The following NLE1 variants were observed in gnomAD, a reference collection of about 807,000 sequenced individuals.
NLE1 encodes notchless homolog 1, also known as notchless protein homolog 1.
A neutral mutation model predicts 62.8 loss-of-function variants in NLE1; 37 were observed. The observed-to-expected ratio is 0.59, with a 90% CI of 0.45 to 0.78. The LOEUF is 0.78. NLE1 is among the 30% of genes least tolerant of loss of function. The probability of loss-of-function intolerance (pLI) is 0.00; values close to 1 mark genes in which losing one functional copy is unlikely to be tolerated. For missense variants in NLE1, 555 were observed against 637.9 expected, an observed-to-expected ratio of 0.87 and a Z score of 1.40; for synonymous variants, 243 against 253.0, an observed-to-expected ratio of 0.96 and a Z score of 0.37.
intron 10 of NLE1, 31 bp from the exon 11 acceptor site, chr17:35,133,529 A>T: frequency 6.3e-7 from 1 of 1,582,800 alleles, no homozygotes; most frequent in East Asian, 2.3e-5. Flanking sequence ...GATGGATTTT[A>T]GTCTGAGTTA....
chr17:35,140,820 C>G (rs1213029948), intron 2 of NLE1, among the ~76,000 whole-genome samples: 1 of 152,120 alleles, frequency 6.6e-6, no homozygotes, highest in Non-Finnish European at 1.5e-5. Context: ...GAACTCCTGA[C>G]CTCTAGTGAT....
intron 2 of NLE1, among the ~76,000 whole-genome samples, chr17:35,141,600 G>A (rs1012883993): frequency 6.6e-6 from 1 of 151,692 alleles, no homozygotes; most frequent in Admixed American, 6.6e-5. Context: ...AAAAGCATGG[G>A]TATTCGGATA....
In NLE1 at chr17:35,139,988, C is replaced by T. The variant is rs1212053222; in HGVS notation, c.241G>A (p.Ala81Thr). Residue 81 changes from alanine to threonine, a missense_variant, in exon 3 of 13, where the codon GCA becomes ACA. By Grantham distance (58) the Ala-to-Thr change is moderately conservative. Coordinates refer to ENST00000442241, the MANE Select transcript of NLE1 (RefSeq NM_018096.5). ...TCTAGGACCTTCTCTGTCTCCACTG[C>T]CTGGGACTCCAACGTCTTCCCCAGT... Reference protein sequence around the residue: ...SSLGKTLESQAVETEKVLDII... With the variant: ...SSLGKTLESQTVETEKVLDII... 1.9e-6 allele frequency: 3 copies of T among 1,614,158 alleles called. No individual in the cohort carries two copies. The highest frequency in any genetic ancestry group is 2.2e-5 in the East Asian group (1 of 44,880).
intron 10 of NLE1, 56 bp from the exon 11 acceptor site, chr17:35,133,554 T>C (rs2091890769): frequency 6.6e-7 from 1 of 1,509,558 alleles, no homozygotes; most frequent in Non-Finnish European, 8.9e-7. Context: ...TTTCAACACG[T>C]CTGAAGGGTC....
chr17:35,129,299 C>T lies in NLE1; in HGVS notation c.*3138G>A. On this transcript the variant is annotated 3_prime_UTR_variant, in exon 13 of 13. Coordinates refer to ENST00000442241, the MANE Select transcript of NLE1 (RefSeq NM_018096.5). Reference sequence around the variant, plus strand: ...GCAGTACCTTGCACCTTCCATCTGACCTGCCTGGGCCCCAGCAGGAGCAGG... The same window carrying T: ...GCAGTACCTTGCACCTTCCATCTGATCTGCCTGGGCCCCAGCAGGAGCAGG... 2 of 1,303,756 alleles carry T rather than the reference C, an allele frequency of 1.5e-6. No homozygotes were observed. The highest frequency in any genetic ancestry group is 2.1e-6 in the Non-Finnish European group (2 of 940,178). The allele number at this position is 1,303,756 out of a possible 1,614,324, so 80.8% of individuals were successfully genotyped here.
chr17:35,130,198 A>G lies in NLE1; in HGVS notation c.*2239T>C, dbSNP rs1443196230. ...GTTTAAGGTCTGAGTCAGCAGACAG[A>G]AAAAAAAGGGGTGATAGAGACAGAG... On this transcript the variant is annotated 3_prime_UTR_variant, in exon 13 of 13. Transcript: ENST00000442241. 4.6e-6 allele frequency: 7 copies of G among 1,529,312 alleles called. No individual in the cohort carries two copies. In the Admixed American group the frequency reaches 8.5e-5, roughly 19 times the overall value. 94.7% of individuals were successfully genotyped at this position (1,529,312 alleles called of 1,614,324 possible).
In NLE1 at chr17:35,137,659, C is replaced by T; in HGVS notation, c.538-19G>A. 1 of 1,594,756 alleles carries T rather than the reference C, an allele frequency of 6.3e-7. No homozygotes were observed. Among genetic ancestry groups the T allele is most frequent in the Non-Finnish European group, 8.6e-7 (1 of 1,167,292 alleles). On this transcript the variant is annotated intron_variant, in intron 5 of 12. Transcript: ENST00000442241. ...GGAGAATCTGAAGGACAGAAGCTCA[C>T]TGAATAATCCTCCCCAACAGGTCTC... is the stretch of plus-strand genomic sequence containing the variant.
At chr17:35,137,414 G>A (rs2091915694) in intron 6 of NLE1, 129 bp downstream of exon 6, 1 of 868,310 alleles carries the variant, frequency 1.2e-6, no homozygotes, top group Non-Finnish European at 1.8e-6. Flanking sequence ...TCCCATGCCT[G>A]CCAAGCCATC....
At chr17:35,133,124 G>T (rs77153156) in intron 12 of NLE1, 47 bp downstream of exon 12, 2 of 1,551,566 alleles carry the variant, frequency 1.3e-6, no homozygotes, top group Non-Finnish European at 1.8e-6. Context: ...AAGGACCTTA[G>T]GGGTAGGAGG....
rs769535214 is a variant in NLE1 at position 35,135,445 on chromosome 17, C to G, written c.1018G>C (p.Gly340Arg). Residue 340 changes from glycine (G) to arginine (R), a missense_variant, in exon 10 of 13, where the codon GGT (glycine) becomes CGT (arginine). Gly to Arg is a moderately radical substitution (Grantham distance 125). Transcript: ENST00000442241. ...GAGCCAGACACCAGCCTCTCTGGACCCTGGCCCTAGGGGAGGCAGAAAGCA... is the reference window on the plus strand; with the variant it reads ...GAGCCAGACACCAGCCTCTCTGGACGCTGGCCCTAGGGGAGGCAGAAAGCA... ...LSRYNLVRGQ[G>R]PERLVSGSDD... 6.2e-7 allele frequency: 1 copy of G among 1,614,004 alleles called. No homozygotes were observed. Among genetic ancestry groups the G allele is most frequent in the Non-Finnish European group, 8.5e-7 (1 of 1,179,958 alleles).
At chr17:35,138,139 G>A (rs1879965642) in intron 4 of NLE1, among the ~76,000 whole-genome samples, 1 of 152,154 alleles carries the variant, frequency 6.6e-6, no homozygotes. Context: ...AAGTGTTTTT[G>A]TACATGTCAT....
chr17:35,139,355 T>C (rs1597893990), intron 3 of NLE1, 41 bp from the exon 4 acceptor site: 1 of 1,487,272 alleles, frequency 6.7e-7, no homozygotes, highest in African/African-American at 1.4e-5. Flanking sequence ...CACATGTGCA[T>C]TTGTGCCACC....
In NLE1 at chr17:35,130,229, G is replaced by T; in HGVS notation, c.*2208C>A. The stretch of plus-strand genomic sequence containing the variant: ...AAGGGGTGATAGAGACAGAGAGAGA[G>T]CCAGGTTCAGATCTGGGAAGGAACT... On this transcript the variant is annotated 3_prime_UTR_variant, in exon 13 of 13. Coordinates refer to ENST00000442241, the MANE Select transcript of NLE1 (RefSeq NM_018096.5). The T allele has an allele frequency of 6.3e-7, 1 of 1,591,112 alleles. No individual in the cohort carries two copies. Among genetic ancestry groups the T allele is most frequent in the South Asian group, 1.1e-5 (1 of 88,484 alleles).
chr17:35,137,939 C>A, intron 4 of NLE1, 49 bp from the exon 5 acceptor site: 1 of 1,445,788 alleles, frequency 6.9e-7, no homozygotes, highest in Non-Finnish European at 9.6e-7. Context: ...TGTCTTTATC[C>A]CAAGTGCCCA....
At position 35,129,437 on chromosome 17, in the gene NLE1, GC is replaced by G. The variant is rs756876563; in HGVS notation, c.*2999del. The G allele has an allele frequency of 2.2e-5, 35 of 1,613,872 alleles. No homozygotes were observed. The highest frequency in any genetic ancestry group is 1.2e-4 in the South Asian group (11 of 91,066). The stretch of plus-strand genomic sequence containing the variant: ...CTTCCCCTAGATTTCCTGGACCTAC[GC>G]CTTGGGCAAGCAGCCGGTCAGTTTC... On this transcript the variant is annotated 3_prime_UTR_variant, in exon 13 of 13. Coordinates refer to ENST00000442241, the MANE Select transcript of NLE1 (RefSeq NM_018096.5).
Position 35,130,184 on chromosome 17 carries a change from G to A in NLE1, c.*2253C>T, listed in dbSNP as rs551395971. On this transcript the variant is annotated 3_prime_UTR_variant, in exon 13 of 13. Coordinates refer to ENST00000442241, the MANE Select transcript of NLE1 (RefSeq NM_018096.5). Reference sequence around the variant, plus strand: ...GGTTGGATAAGGCTGTTTAAGGTCTGAGTCAGCAGACAGAAAAAAAAGGGG... The same window carrying A: ...GGTTGGATAAGGCTGTTTAAGGTCTAAGTCAGCAGACAGAAAAAAAAGGGG... The A allele has an allele frequency of 1.1e-4, 161 of 1,514,660 alleles. No individual in the cohort carries two copies. The highest frequency in any genetic ancestry group is 1.4e-4 in the Non-Finnish European group (159 of 1,134,584). 93.8% of individuals were successfully genotyped at this position (1,514,660 alleles called of 1,614,324 possible). A position where few individuals can be genotyped will look rare whatever the true frequency, so the allele number is the denominator to read the frequency against.
chr17:35,139,721 G>A (rs1478135745), intron 3 of NLE1, 128 bp downstream of exon 3: 5 of 1,334,964 alleles, frequency 3.7e-6, no homozygotes, highest in Non-Finnish European at 5.0e-6. Context: ...TGCAAGCTGA[G>A]TCCAGAGCTT....
intron 3 of NLE1, 60 bp downstream of exon 3, chr17:35,139,789 C>A: frequency 6.3e-7 from 1 of 1,582,848 alleles, no homozygotes; most frequent in Non-Finnish European, 8.6e-7. Flanking sequence ...AGACCCTCCC[C>A]AAACCAGGCA....
In NLE1 at chr17:35,132,130, G is replaced by T; in HGVS notation, c.*307C>A. 3.5e-6 allele frequency: 1 copy of T among 282,440 alleles called. No homozygotes were observed. Among genetic ancestry groups the T allele is most frequent in the East Asian group, 5.9e-5 (1 of 16,832 alleles). The allele number at this position is 282,440 out of a possible 1,614,324, so 17.5% of individuals were successfully genotyped here. On this transcript the variant is annotated 3_prime_UTR_variant, in exon 13 of 13. Coordinates refer to ENST00000442241, the MANE Select transcript of NLE1 (RefSeq NM_018096.5). ...ACCCTGTACAGAGCTGACACTAGGG[G>T]CCCACTCATAGAGCCTGGCTGCCCA...
Sources: gnomAD v4.1 joint callset for allele counts (sites outside exome capture counted in the v4.1 genomes callset) on GRCh38, gnomAD v4.1.1 for gene constraint, MANE v1.5 for transcripts, NCBI Gene and HGNC (gene_info 2026-07-23, HGNC 2026-07-21) for gene names.